The following DIAPH2 variants were observed in gnomAD, a reference collection of about 807,000 sequenced individuals.
DIAPH2 encodes the protein diaphanous related formin 2.
Under a neutral mutation model 92.7 loss-of-function variants are expected in DIAPH2, and 35 were observed. The ratio of observed to expected loss-of-function variants is 0.38; its 90% CI spans 0.29 to 0.50. The LOEUF (loss-of-function observed/expected upper bound fraction) is 0.50, where lower values mean the gene tolerates loss of function less well. Ranked by LOEUF, DIAPH2 falls within the 20% of genes least tolerant of loss-of-function variation. The pLI, the probability that DIAPH2 is intolerant of heterozygous loss-of-function variation, is 0.94. For missense variants in DIAPH2, 701 were observed against 819.5 expected, an observed-to-expected ratio of 0.86 and a Z score of 1.77; for synonymous variants, 301 against 280.4, an observed-to-expected ratio of 1.07 and a Z score of -0.73.
At chrX:96,911,484 G>A (rs1051891603) in intron 5 of DIAPH2, among the ~76,000 whole-genome samples, 14 of 111,171 alleles carry the variant, frequency 1.3e-4, no homozygotes, top group East Asian at 5.7e-4. Flanking sequence ...CTAAACCTGC[G>A]TACTCAGCTC....
intron 22 of DIAPH2, among the ~76,000 whole-genome samples, chrX:97,241,444 C>T (rs1393182687): frequency 9.0e-6 from 1 of 110,515 alleles, no homozygotes; most frequent in Admixed American, 9.6e-5. Flanking sequence ...ACTACAGGTG[C>T]CTGCCACCGC....
chrX:96,799,301 C>G (rs2064563580), intron 4 of DIAPH2, among the ~76,000 whole-genome samples: 1 of 111,486 alleles, frequency 9.0e-6, no homozygotes, highest in Non-Finnish European at 1.9e-5. Context: ...GCCTGTTGCC[C>G]AATGTCTAAA....
chrX:97,585,664 C>T (rs1429344763), intron 26 of DIAPH2, among the ~76,000 whole-genome samples: 1 of 110,508 alleles, frequency 9.0e-6, no homozygotes, highest in Admixed American at 9.7e-5. Flanking sequence ...CCTGAGGCAA[C>T]TGTTTGCACT....
intron 4 of DIAPH2, among the ~76,000 whole-genome samples, chrX:96,857,205 G>A (rs1237157668): frequency 1.8e-5 from 2 of 111,605 alleles, no homozygotes; most frequent in Non-Finnish European, 3.8e-5. Context: ...ACCTGCTATA[G>A]TATTTCATTT....
chrX:96,922,355 C>A (rs1472697628), intron 9 of DIAPH2, among the ~76,000 whole-genome samples: 2 of 111,343 alleles, frequency 1.8e-5, no homozygotes, highest in African/African-American at 6.5e-5. Flanking sequence ...TCTACCCAAT[C>A]TTTAATTTTC....
At chrX:97,506,132 T>C (rs1357357449) in intron 26 of DIAPH2, among the ~76,000 whole-genome samples, 6 of 96,640 alleles carry the variant, frequency 6.2e-5, no homozygotes, top group African/African-American at 2.2e-4. Context: ...TCTGGCTATC[T>C]AGTGCCTTTT....
At chrX:97,412,309 T>A (rs1157564711) in intron 25 of DIAPH2, among the ~76,000 whole-genome samples, 2 of 111,966 alleles carry the variant, frequency 1.8e-5, no homozygotes, top group Non-Finnish European at 3.8e-5. Context: ...GACTACTGGG[T>A]ACATAACGAA....
rs187291210 is a variant in DIAPH2, at chrX:97,045,720, A to C, written c.2051-27221A>C. Among the ~76,000 whole-genome samples the C allele has an allele frequency of 3.6e-5, 4 of 111,226 alleles. 1 individual carries two copies. In the East Asian group the frequency reaches 8.5e-4, roughly 24 times the overall value. On this transcript the variant is annotated intron_variant, in intron 17 of 26. Transcript: ENST00000324765. ...TTGAACTAGATGCCATGTTGGTGTG[A>C]GTTGAAGAATACAGTTGGAGGTGAG...
intron 25 of DIAPH2, among the ~76,000 whole-genome samples, chrX:97,405,567 AG>A (rs2069800990): frequency 8.9e-6 from 1 of 111,897 alleles, no homozygotes; most frequent in African/African-American, 3.2e-5. Context: ...ATGCTTTTCA[AG>A]TAATGCATTT....
At chrX:97,427,657 G>GTTTTGTTTTTGT (rs60989289) in intron 25 of DIAPH2, among the ~76,000 whole-genome samples, 33,161 of 97,305 alleles carry the variant, frequency 0.34, 5,661 homozygotes, top group Non-Finnish European at 0.45. Flanking sequence ...TGTTTTGTTT[G>GTTTTGTTTTTGT]TTTTGTTTTT....
rs1445770945 is a variant in DIAPH2 at position 97,600,821 on chromosome X, C to CCAT, written c.*1506_*1508dup. Reference sequence around the variant, plus strand: ...AACAAATGGCTGGCTTGGCAAATCCCCATCTGAGATAAAGTAAACAAGTGA... The same window carrying CCAT: ...AACAAATGGCTGGCTTGGCAAATCCCCATCATCTGAGATAAAGTAAACAAGTGA... On this transcript the variant is annotated 3_prime_UTR_variant, in exon 27 of 27. Transcript: ENST00000324765. 1 of 111,808 alleles carries CCAT rather than the reference C, an allele frequency of 8.9e-6. No individual in the cohort carries two copies. 9.2% of individuals were successfully genotyped at this position (111,808 alleles called of 1,213,427 possible). A position where few individuals can be genotyped will look rare whatever the true frequency, so the allele number is the denominator to read the frequency against.
intron 26 of DIAPH2, among the ~76,000 whole-genome samples, chrX:97,430,866 T>C (rs2070119369): frequency 8.9e-6 from 1 of 112,205 alleles, no homozygotes; most frequent in Admixed American, 9.5e-5. Context: ...TCCTGATGGA[T>C]ATTGGATAAC....
intron 26 of DIAPH2, among the ~76,000 whole-genome samples, chrX:97,467,253 T>C (rs1250425668): frequency 1.8e-5 from 2 of 112,185 alleles, no homozygotes; most frequent in Non-Finnish European, 3.8e-5. Flanking sequence ...TGCGTTACAG[T>C]CCCGTGATGC....
At chrX:97,084,753 TAAAG>T (rs1212479259) in intron 19 of DIAPH2, among the ~76,000 whole-genome samples, 2 of 111,306 alleles carry the variant, frequency 1.8e-5, no homozygotes, top group Non-Finnish European at 3.8e-5. Context: ...GGCCTCTAGA[TAAAG>T]AAATCAAAGG....
chrX:97,274,006 G>GGT (rs55778849), intron 23 of DIAPH2, among the ~76,000 whole-genome samples: 3,091 of 86,679 alleles, frequency 0.036, 63 homozygotes, highest in East Asian at 0.082. Flanking sequence ...TAAAACTAGC[G>GGT]GTGTGTGTGT....
rs186890521 is a variant in DIAPH2, at chrX:97,008,256, C to T, written c.2050+43049C>T. On this transcript the variant is annotated intron_variant, in intron 17 of 26. Transcript: ENST00000324765. ...ATTTTCTAACTTCAGAATTTCTGCT[C>T]GATTATTTGTAATTATTTATGTCTC... Among the ~76,000 whole-genome samples the T allele has an allele frequency of 1.1e-4, 12 of 108,834 alleles. 1 individual carries two copies. In the East Asian group the frequency reaches 3.4e-3, roughly 31 times the overall value. The allele number at this position is 108,834 out of a possible 115,157, so 94.5% of individuals were successfully genotyped here.
intron 26 of DIAPH2, among the ~76,000 whole-genome samples, chrX:97,476,709 C>T (rs2070606530): frequency 9.2e-6 from 1 of 108,291 alleles, no homozygotes; most frequent in East Asian, 2.9e-4. Flanking sequence ...CCTGTAATCC[C>T]AGCACTTTGG....
intron 20 of DIAPH2, among the ~76,000 whole-genome samples, chrX:97,107,506 T>A (rs2066950098): frequency 8.9e-6 from 1 of 112,005 alleles, no homozygotes; most frequent in Non-Finnish European, 1.9e-5. Flanking sequence ...GAGGAGGTTG[T>A]TGTCTCAAAG....
intron 5 of DIAPH2, among the ~76,000 whole-genome samples, chrX:96,889,015 C>G (rs1463528892): frequency 9.0e-6 from 1 of 111,339 alleles, no homozygotes; most frequent in Non-Finnish European, 1.9e-5. Flanking sequence ...TTTTGACTTT[C>G]TTTCATTAAT....
Sources: allele counts gnomAD v4.1 joint callset (sites outside exome capture counted in the v4.1 genomes callset), GRCh38; gene constraint gnomAD v4.1.1; transcripts MANE v1.5; gene names NCBI Gene and HGNC (gene_info 2026-07-23, HGNC 2026-07-21).